Variants in SRRM4 observed in about 807,000 individuals in gnomAD.
SRRM4 encodes serine/arginine repetitive matrix 4, also known as serine/arginine repetitive matrix protein 4.
Under a neutral mutation model 68.9 loss-of-function variants are expected in SRRM4, and 33 were observed. That is an observed-to-expected ratio of 0.48 (90% CI 0.36 to 0.64). The LOEUF is 0.64. Among genes scored for constraint, SRRM4 ranks in the 30% least tolerant of loss-of-function variants. The pLI, the probability that SRRM4 is intolerant of heterozygous loss-of-function variation, is 0.00. For missense variants in SRRM4, 817 were observed against 827.1 expected, an observed-to-expected ratio of 0.99 and a Z score of 0.15; for synonymous variants, 318 against 318.8, an observed-to-expected ratio of 1.00 and a Z score of 0.03.
intron 9 of SRRM4, among the ~76,000 whole-genome samples, chr12:119,149,675 T>C (rs1954426969): frequency 6.6e-6 from 1 of 151,828 alleles, no homozygotes; most frequent in Non-Finnish European, 1.5e-5. Flanking sequence ...ATGGAGAGGG[T>C]TTGCAGACAG....
chr12:119,068,885 G>T (rs1048260235), intron 1 of SRRM4, among the ~76,000 whole-genome samples: 2 of 152,076 alleles, frequency 1.3e-5, no homozygotes, highest in Admixed American at 6.6e-5. Context: ...TACATGAGGC[G>T]TCGGGAGGGG....
At chr12:119,019,076 C>T (rs921662356) in intron 1 of SRRM4, among the ~76,000 whole-genome samples, 1 of 152,170 alleles carries the variant, frequency 6.6e-6, no homozygotes, top group Non-Finnish European at 1.5e-5. Context: ...CCTTCATAAC[C>T]TTCCTGGTCT....
In SRRM4 at chr12:119,114,656, T is replaced by C. The variant is rs535042331; in HGVS notation, c.365+292T>C. 3.7e-3 allele frequency among the ~76,000 whole-genome samples: 539 copies of C among 145,548 alleles called. 4 individuals are homozygous for C. The highest frequency in any genetic ancestry group is 0.013 in the African/African-American group (505 of 40,234). On this transcript the variant is annotated intron_variant, in intron 3 of 12. Transcript: ENST00000267260. The stretch of plus-strand genomic sequence containing the variant: ...GTAAATGACTAATTAATAGGAAGCA[T>C]AGTCTTTTTTTTTTTTTTTTTTTTT...
At chr12:119,082,493 T>C (rs768056785) in intron 1 of SRRM4, among the ~76,000 whole-genome samples, 49 of 152,210 alleles carry the variant, frequency 3.2e-4, no homozygotes, top group Non-Finnish European at 6.9e-4. Context: ...TTCTTTTAAA[T>C]TGCAACAAAA....
intron 1 of SRRM4, among the ~76,000 whole-genome samples, chr12:119,018,995 A>G (rs952744023): frequency 2.0e-5 from 3 of 152,138 alleles, no homozygotes; most frequent in Admixed American, 6.5e-5. Context: ...CTCAAGTGAA[A>G]AGAAAGAGAT....
Position 118,981,963 on chromosome 12 carries a change from T to G in SRRM4, c.81T>G (p.Arg27=). The change falls in exon 1 of 13, where the codon CGT becomes CGG. Residue 27 remains arginine, a synonymous_variant. Transcript: ENST00000267260. Reference sequence around the variant, plus strand: ...CCTTCAAAGCGGTGGCCACCCCCCGTCCCGAGAGCATCATTGTCGCCAGTA... The same window carrying G: ...CCTTCAAAGCGGTGGCCACCCCCCGGCCCGAGAGCATCATTGTCGCCAGTA... The part of the protein sequence containing the change: ...RGTFKAVATP[R]PESIIVASIT... 1 of 1,612,106 alleles carries G rather than the reference T, an allele frequency of 6.2e-7. No individual in the cohort carries two copies. The highest frequency in any genetic ancestry group is 2.2e-5 in the East Asian group (1 of 44,810).
rs201474953 is a variant in SRRM4 at position 119,102,304 on chromosome 12, T to G, written c.200T>G (p.Leu67Arg). 448 of 1,613,606 alleles carry G rather than the reference T, an allele frequency of 2.8e-4. No individual in the cohort carries two copies. The highest frequency in any genetic ancestry group is 3.6e-4 in the Non-Finnish European group (425 of 1,179,816). ...DGPSEKLGQH[L>R]ATEPLGTNSW... ...CCCTCAGAAAAGCTGGGTCAGCATC[T>G]GGCCACCGAGCCCTTGGGCACCAAC... Residue 67 changes from leucine (L) to arginine (R), a missense_variant, in exon 2 of 13, where the codon CTG becomes CGG. By Grantham distance (102) the Leu-to-Arg change is moderately radical (BLOSUM62 -2). Coordinates refer to ENST00000267260, the MANE Select transcript of SRRM4 (RefSeq NM_194286.4).
intron 2 of SRRM4, among the ~76,000 whole-genome samples, chr12:119,112,833 G>A (rs1315155117): frequency 6.6e-6 from 1 of 152,106 alleles, no homozygotes; most frequent in African/African-American, 2.4e-5. Flanking sequence ...AGAGCATTAG[G>A]GAAAAGAGCA....
At chr12:119,079,111 T>C (rs547945936) in intron 1 of SRRM4, among the ~76,000 whole-genome samples, 1 of 151,964 alleles carries the variant, frequency 6.6e-6, no homozygotes, top group East Asian at 1.9e-4. Context: ...GAATTAGGGA[T>C]GGGAGAGAAA....
chr12:119,037,324 G>GT (rs1404687978), intron 1 of SRRM4, among the ~76,000 whole-genome samples: 1 of 152,150 alleles, frequency 6.6e-6, no homozygotes, highest in Non-Finnish European at 1.5e-5. Flanking sequence ...TCAGAAAATA[G>GT]TTTTTCCAAT....
At chr12:119,094,811 G>A (rs183917676) in intron 1 of SRRM4, among the ~76,000 whole-genome samples, 3 of 152,228 alleles carry the variant, frequency 2.0e-5, no homozygotes, top group Admixed American at 6.5e-5. Context: ...TCCCCTTCCA[G>A]GGTGAGAAGT....
intron 1 of SRRM4, among the ~76,000 whole-genome samples, chr12:119,037,464 C>T (rs1035820384): frequency 2.0e-5 from 3 of 152,080 alleles, no homozygotes; most frequent in African/African-American, 7.2e-5. Context: ...TTTATGGATG[C>T]CTGTAAGCCT....
At chr12:119,021,665 G>T (rs1386108685) in intron 1 of SRRM4, among the ~76,000 whole-genome samples, 4 of 152,208 alleles carry the variant, frequency 2.6e-5, no homozygotes, top group Non-Finnish European at 5.9e-5. Context: ...AAAGTTAGCA[G>T]AAATAGATGT....
chr12:118,997,742 T>A (rs1030533371), intron 1 of SRRM4, among the ~76,000 whole-genome samples: 4 of 152,140 alleles, frequency 2.6e-5, no homozygotes, highest in African/African-American at 4.8e-5. Context: ...TCCACATAGA[T>A]CAATATCTCA....
At chr12:119,049,399 G>T (rs1326021175) in intron 1 of SRRM4, among the ~76,000 whole-genome samples, 1 of 152,198 alleles carries the variant, frequency 6.6e-6, no homozygotes, top group Non-Finnish European at 1.5e-5. Context: ...AATGAAATTA[G>T]AGAAATAACA....
Position 119,053,808 on chromosome 12 carries a change from C to T in SRRM4, c.132-48428C>T, listed in dbSNP as rs532572754. Among the ~76,000 whole-genome samples the T allele has an allele frequency of 3.9e-5, 6 of 152,014 alleles. No homozygotes were observed. The East Asian group carries it at 7.7e-4, about 20-fold the overall frequency. On this transcript the variant is annotated intron_variant, in intron 1 of 12. Transcript: ENST00000267260. ...TATATGTTTATGAGATATTTTGACACAGGCATGCAAAGTGTAATTATCACA... is the reference window on the plus strand; with the variant it reads ...TATATGTTTATGAGATATTTTGACATAGGCATGCAAAGTGTAATTATCACA...
intron 2 of SRRM4, among the ~76,000 whole-genome samples, chr12:119,109,189 C>T (rs1954126876): frequency 6.6e-6 from 1 of 152,150 alleles, no homozygotes. Flanking sequence ...GCCGAGAGAT[C>T]AGCTGTTAGT....
At chr12:119,055,423 A>C (rs1953770384) in intron 1 of SRRM4, among the ~76,000 whole-genome samples, 1 of 151,954 alleles carries the variant, frequency 6.6e-6, no homozygotes, top group Admixed American at 6.5e-5. Flanking sequence ...TTTCCATAAG[A>C]AGCATATTTT....
At chr12:119,068,945 A>T (rs1474547316) in intron 1 of SRRM4, among the ~76,000 whole-genome samples, 1 of 152,084 alleles carries the variant, frequency 6.6e-6, no homozygotes, top group Non-Finnish European at 1.5e-5. Flanking sequence ...TTTTAAACCC[A>T]TTCCCCAAAG....
Sources: allele counts gnomAD v4.1 joint callset (sites outside exome capture counted in the v4.1 genomes callset), GRCh38; gene constraint gnomAD v4.1.1; transcripts MANE v1.5; gene names NCBI Gene and HGNC (gene_info 2026-07-23, HGNC 2026-07-21).